Variants in KCNK9 observed in about 807,000 individuals in gnomAD.
KCNK9 encodes the protein potassium two pore domain channel subfamily K member 9, also known as potassium channel subfamily K member 9.
KCNK9 carries 1 observed loss-of-function variant against 10.8 expected under a neutral mutation model. That is an observed-to-expected ratio of 0.09 (90% CI 0.03 to 0.44). KCNK9 has a LOEUF of 0.44. Among genes scored for constraint, KCNK9 ranks in the 20% least tolerant of loss-of-function variants. The pLI is 0.97. For missense variants in KCNK9, 303 were observed against 515.0 expected, an observed-to-expected ratio of 0.59 and a Z score of 3.98; for synonymous variants, 231 against 222.7, an observed-to-expected ratio of 1.04 and a Z score of -0.33.
chr8:139,642,554 G>A (rs116842995), intron 1 of KCNK9, among the ~76,000 whole-genome samples: 43 of 152,332 alleles, frequency 2.8e-4, no homozygotes, highest in East Asian at 1.4e-3. Flanking sequence ...TGAAACCCCC[G>A]AGTCAAAATA....
At chr8:139,686,356 T>C (rs1262616682) in intron 1 of KCNK9, among the ~76,000 whole-genome samples, 1 of 152,136 alleles carries the variant, frequency 6.6e-6, no homozygotes, top group Non-Finnish European at 1.5e-5. Flanking sequence ...ATTTTTGCAA[T>C]CTATCCATCT....
chr8:139,666,026 C>T (rs184961510), intron 1 of KCNK9, among the ~76,000 whole-genome samples: 56 of 152,326 alleles, frequency 3.7e-4, no homozygotes, highest in African/African-American at 1.3e-3. Flanking sequence ...TAAAGCAAGC[C>T]AAGCACCCCG....
chr8:139,697,383 A>ATGGG (rs1415734029), intron 1 of KCNK9, among the ~76,000 whole-genome samples: 2 of 105,372 alleles, frequency 1.9e-5, no homozygotes, highest in Non-Finnish European at 4.1e-5. Flanking sequence ...GGATGGATGG[A>ATGGG]TGGATAAGTG....
chr8:139,701,776 T>A (rs1365978888), intron 1 of KCNK9, among the ~76,000 whole-genome samples: 1 of 151,858 alleles, frequency 6.6e-6, no homozygotes, highest in African/African-American at 2.4e-5. Context: ...CTCCCACAGG[T>A]CTCCAAGTAT....
In KCNK9 at chr8:139,663,648, CGTGTGT is replaced by C. The variant is rs34660685; in HGVS notation, c.283+39056_283+39061del. On this transcript the variant is annotated intron_variant, in intron 1 of 1. Transcript: ENST00000520439. ...CCCCAGGAACAGACGCGCGTGCGCACGTGTGTGTGTGTGTGTGTGTGTGTGTGTGTG... is the reference window on the plus strand; with the variant it reads ...CCCCAGGAACAGACGCGCGTGCGCACGTGTGTGTGTGTGTGTGTGTGTGTG... Among the ~76,000 whole-genome samples the C allele has an allele frequency of 8.9e-3, 1,226 of 137,596 alleles. 17 individuals carry two copies. The highest frequency in any genetic ancestry group is 0.032 in the African/African-American group (1,140 of 36,176). The allele number at this position is 137,596 out of a possible 152,430, so 90.3% of individuals were successfully genotyped here. A position where few individuals can be genotyped will look rare whatever the true frequency, so the allele number is the denominator to read the frequency against.
chr8:139,659,955 A>G (rs112706850), intron 1 of KCNK9, among the ~76,000 whole-genome samples: 1,816 of 152,238 alleles, frequency 0.012, 28 homozygotes, highest in African/African-American at 0.041. Context: ...ACAATCCCCT[A>G]TTTGTGATAA....
At chr8:139,654,614 C>T (rs1815967191) in intron 1 of KCNK9, among the ~76,000 whole-genome samples, 1 of 152,264 alleles carries the variant, frequency 6.6e-6, no homozygotes, top group African/African-American at 2.4e-5. Flanking sequence ...GCTGAACTGT[C>T]ACCTTCTCCA....
chr8:139,668,883 G>A (rs930983236), intron 1 of KCNK9, among the ~76,000 whole-genome samples: 2 of 152,096 alleles, frequency 1.3e-5, no homozygotes, highest in African/African-American at 4.8e-5. Flanking sequence ...ACCTTGTCAC[G>A]TTCAGCTGCT....
intron 1 of KCNK9, among the ~76,000 whole-genome samples, chr8:139,696,736 T>G (rs1817062691): frequency 6.7e-6 from 1 of 149,068 alleles, no homozygotes; most frequent in Non-Finnish European, 1.5e-5. Flanking sequence ...GGTGAATAGA[T>G]GAGTGGGTGG....
At position 139,702,592 on chromosome 8, in the gene KCNK9, C is replaced by G; in HGVS notation, c.283+118G>C. 9.2e-7 allele frequency: 1 copy of G among 1,090,348 alleles called. No individual in the cohort carries two copies. The highest frequency in any genetic ancestry group is 1.3e-6 in the Non-Finnish European group (1 of 778,098). The allele number at this position is 1,090,348 out of a possible 1,614,324, so 67.5% of individuals were successfully genotyped here. On this transcript the variant is annotated intron_variant, in intron 1 of 1. Coordinates refer to ENST00000520439, the MANE Select transcript of KCNK9 (RefSeq NM_001282534.2). This position sits in a 1 kb window ranked among gnomAD's most constrained non-coding sequence, Gnocchi z 7.5. ...GAGGAGGGGGCGCTGCGGGAAGGCC[C>G]CCAAGGGAGGCTGCGTTTAACCCTC...
chr8:139,604,150 G>C (rs1423538370), intron 2 of KCNK9, among the ~76,000 whole-genome samples: 1 of 152,222 alleles, frequency 6.6e-6, no homozygotes, highest in Non-Finnish European at 1.5e-5. Flanking sequence ...CCAGGGCGCA[G>C]ACTCTGATTT....
chr8:139,625,879 T>G (rs1354625078), intron 1 of KCNK9, among the ~76,000 whole-genome samples: 4 of 152,112 alleles, frequency 2.6e-5, no homozygotes, highest in Non-Finnish European at 5.9e-5. Context: ...CACCTGCCAC[T>G]CCCCAGTGGC....
intron 1 of KCNK9, among the ~76,000 whole-genome samples, chr8:139,645,882 T>C (rs1308085623): frequency 6.6e-6 from 1 of 152,106 alleles, no homozygotes; most frequent in East Asian, 1.9e-4. Context: ...GACCAGACAC[T>C]GCCCTGCCTG....
intron 1 of KCNK9, among the ~76,000 whole-genome samples, chr8:139,663,616 G>A (rs1421764368): frequency 3.3e-5 from 5 of 150,642 alleles, no homozygotes; most frequent in East Asian, 2.0e-4. Flanking sequence ...AGGCATTCAC[G>A]TTTTCCCCCC....
intron 1 of KCNK9, among the ~76,000 whole-genome samples, chr8:139,673,311 A>G (rs1054408572): frequency 3.9e-5 from 6 of 152,220 alleles, no homozygotes; most frequent in African/African-American, 1.4e-4. Flanking sequence ...GAAAATGCTC[A>G]ATACCATTGA....
intron 1 of KCNK9, among the ~76,000 whole-genome samples, chr8:139,689,140 G>T (rs1240088356): frequency 6.6e-6 from 1 of 152,244 alleles, no homozygotes; most frequent in Middle Eastern, 3.4e-3. Flanking sequence ...AAAGGCTTCC[G>T]AAGAAATCAA....
intron 2 of KCNK9, among the ~76,000 whole-genome samples, chr8:139,605,232 A>G (rs1185303645): frequency 6.6e-6 from 1 of 152,236 alleles, no homozygotes; most frequent in East Asian, 1.9e-4. Flanking sequence ...CCATGAAAGA[A>G]AAACAAAAAT....
intron 1 of KCNK9, among the ~76,000 whole-genome samples, chr8:139,677,837 GTA>G (rs1816593746): frequency 2.1e-5 from 1 of 47,226 alleles, no homozygotes; most frequent in African/African-American, 4.9e-5. Flanking sequence ...CAGCTGCAGA[GTA>G]GTACCTCACA....
chr8:139,623,343 T>G lies in KCNK9; in HGVS notation c.284-4244A>C, dbSNP rs572758794. ...TCAGAAGATATATTCATTCATCTAC[T>G]CATACATTACCCATTCAGATATCTC... On this transcript the variant is annotated intron_variant, in intron 1 of 1. Coordinates refer to ENST00000520439, the MANE Select transcript of KCNK9 (RefSeq NM_001282534.2). Among the ~76,000 whole-genome samples the G allele has an allele frequency of 2.8e-3, 419 of 152,230 alleles. 2 individuals carry two copies. The highest frequency in any genetic ancestry group is 4.9e-3 in the Non-Finnish European group (332 of 68,006).
Sources: allele counts gnomAD v4.1 joint callset (sites outside exome capture counted in the v4.1 genomes callset), GRCh38; gene constraint gnomAD v4.1.1; non-coding constraint Gnocchi (gnomAD v3.1); transcripts MANE v1.5; gene names NCBI Gene and HGNC (gene_info 2026-07-23, HGNC 2026-07-21).